Variants in TSPEAR observed in about 807,000 individuals in gnomAD.
TSPEAR encodes the protein thrombospondin type laminin G domain and EAR repeats.
In TSPEAR, 69 loss-of-function variants were observed where a neutral mutation model predicts 71.6. The observed-to-expected ratio is 0.96, with a 90% CI of 0.79 to 1.18. The LOEUF (loss-of-function observed/expected upper bound fraction) is 1.18. TSPEAR is among the 50% of genes most tolerant of loss of function. The pLI, the probability that TSPEAR is intolerant of heterozygous loss-of-function variation, is 0.00. For missense variants in TSPEAR, 971 were observed against 894.9 expected (o/e 1.09, Z -1.09); for synonymous variants, 402 against 387.2 (o/e 1.04, Z -0.45).
intron 1 of TSPEAR, among the ~76,000 whole-genome samples, chr21:44,628,740 G>A (rs28542851): frequency 0.62 from 94,364 of 151,750 alleles, 29,849 homozygotes; most frequent in Admixed American, 0.69. Flanking sequence ...GACGGGCGGT[G>A]GGGGGTGGGT....
chr21:44,558,291 C>G lies in TSPEAR; in HGVS notation c.303+9494G>C, dbSNP rs75399200. ...GGAGGTGGTGCAGCAAGCCGGCTGG[C>G]GGCTAGACTGCTGGCAGCATGAAGA... On this transcript the variant is annotated intron_variant, in intron 2 of 11. Transcript: ENST00000323084. 4.1e-4 allele frequency: 658 copies of G among 1,614,112 alleles called. 3 individuals carry two copies. The African/African-American group carries it at 7.9e-3, about 19-fold the overall frequency.
At chr21:44,548,543 G>A (rs1302181106) in intron 2 of TSPEAR, among the ~76,000 whole-genome samples, 3 of 152,202 alleles carry the variant, frequency 2.0e-5, no homozygotes, top group Non-Finnish European at 4.4e-5. Flanking sequence ...CCAGAGGGTG[G>A]GAGAACACGT....
chr21:44,533,335 G>A (rs782744584), intron 3 of TSPEAR, among the ~76,000 whole-genome samples: 35 of 152,174 alleles, frequency 2.3e-4, no homozygotes, highest in Non-Finnish European at 3.7e-4. Flanking sequence ...TGGCGCGGAC[G>A]CTGACCTGAC....
intron 2 of TSPEAR, among the ~76,000 whole-genome samples, chr21:44,560,771 T>C (rs1341073769): frequency 6.6e-6 from 1 of 152,154 alleles, no homozygotes; most frequent in Admixed American, 6.5e-5. Flanking sequence ...ATCAAGAAGT[T>C]ATTTGAAACC....
Position 44,498,722 on chromosome 21 carries a change from T to G in TSPEAR, c.*1061A>C, listed in dbSNP as rs1399099398. 1.3e-5 allele frequency: 2 copies of G among 152,422 alleles called. No individual in the cohort carries two copies. Among genetic ancestry groups the G allele is most frequent in the Non-Finnish European group, 2.9e-5 (2 of 68,076 alleles). The allele number at this position is 152,422 out of a possible 1,614,324, so 9.4% of individuals were successfully genotyped here. A position where few individuals can be genotyped will look rare whatever the true frequency, so the allele number is the denominator to read the frequency against. ...GGATCGCTCCTGTTCCGATTTGTGT[T>G]GCAGAAGCAGGAGCACCGTTCCTGG... On this transcript the variant is annotated 3_prime_UTR_variant, in exon 12 of 12. Coordinates refer to ENST00000323084, the MANE Select transcript of TSPEAR (RefSeq NM_144991.3).
intron 1 of TSPEAR, among the ~76,000 whole-genome samples, chr21:44,588,957 A>G (rs78378324): frequency 0.09 from 13,644 of 151,572 alleles, 722 homozygotes; most frequent in African/African-American, 0.13. Context: ...CTATGAGGAT[A>G]CAAAGGCATA....
In TSPEAR at chr21:44,562,015, C is replaced by T. The variant is rs587731929; in HGVS notation, c.303+5770G>A. 5.9e-5 allele frequency among the ~76,000 whole-genome samples: 9 copies of T among 152,104 alleles called. No homozygotes were observed. The East Asian group carries it at 7.7e-4, about 13-fold the overall frequency. ...GCAATAGAAAGAAATAAAGAGTATT[C>T]GAATAGAAAAAGAGGAAGCCAAATT... On this transcript the variant is annotated intron_variant, in intron 2 of 11. Coordinates refer to ENST00000323084, the MANE Select transcript of TSPEAR (RefSeq NM_144991.3).
At chr21:44,570,530 G>A (rs1333877247) in intron 1 of TSPEAR, among the ~76,000 whole-genome samples, 5 of 152,318 alleles carry the variant, frequency 3.3e-5, no homozygotes, top group African/African-American at 7.2e-5. Context: ...AGATAAGCTC[G>A]TTCACAGCCT....
At chr21:44,550,757 G>T (rs781873065) in intron 2 of TSPEAR, 2 of 1,614,216 alleles carry the variant, frequency 1.2e-6, no homozygotes, top group Non-Finnish European at 1.7e-6. Context: ...CGGGGCGGCA[G>T]AGGAGGGACA....
intron 1 of TSPEAR, chr21:44,627,965 C>G (rs1158516946): frequency 6.6e-7 from 1 of 1,519,880 alleles, no homozygotes; most frequent in East Asian, 2.4e-5. Flanking sequence ...TGCCGCCAGG[C>G]CTCCTGTGTG....
At chr21:44,669,070 G>A (rs1199952702) in intron 1 of TSPEAR, among the ~76,000 whole-genome samples, 1 of 152,126 alleles carries the variant, frequency 6.6e-6, no homozygotes, top group East Asian at 1.9e-4. Context: ...AAATGAAGGA[G>A]AGGAAGAAAA....
intron 1 of TSPEAR, among the ~76,000 whole-genome samples, chr21:44,598,278 C>T (rs187802831): frequency 2.5e-4 from 38 of 152,294 alleles, no homozygotes; most frequent in African/African-American, 7.9e-4. Flanking sequence ...AAATGTTTAG[C>T]CAATCGGGTC....
chr21:44,620,583 G>A (rs1982377115), intron 1 of TSPEAR, among the ~76,000 whole-genome samples: 1 of 152,176 alleles, frequency 6.6e-6, no homozygotes, highest in Non-Finnish European at 1.5e-5. Flanking sequence ...CTAGACAGAG[G>A]TTTGTCAAAT....
intron 1 of TSPEAR, among the ~76,000 whole-genome samples, chr21:44,607,932 C>A (rs900156930): frequency 1.4e-4 from 21 of 152,308 alleles, no homozygotes; most frequent in African/African-American, 5.1e-4. Flanking sequence ...TTTTGCCACA[C>A]AAGTCATGTG....
chr21:44,614,542 C>T (rs1380763694), intron 1 of TSPEAR, among the ~76,000 whole-genome samples: 2 of 152,372 alleles, frequency 1.3e-5, no homozygotes, highest in East Asian at 3.9e-4. Context: ...GTTCCAGGCT[C>T]GGTTCCTGGC....
chr21:44,527,555 C>T (rs781854818), intron 6 of TSPEAR, 37 bp from the exon 7 acceptor site: 21 of 1,604,032 alleles, frequency 1.3e-5, no homozygotes, highest in South Asian at 2.2e-5. Flanking sequence ...TTAAGATTTC[C>T]GAGAACGGAA....
chr21:44,504,451 T>TG (rs2052146563), intron 11 of TSPEAR, among the ~76,000 whole-genome samples: 4 of 111,620 alleles, frequency 3.6e-5, no homozygotes, highest in Non-Finnish European at 5.4e-5. Context: ...GAGCCCACAG[T>TG]GGGGAAGCAA....
At chr21:44,511,342 A>C (rs1555912660) in intron 9 of TSPEAR, among the ~76,000 whole-genome samples, 2 of 152,020 alleles carry the variant, frequency 1.3e-5, no homozygotes, top group Admixed American at 1.3e-4. Flanking sequence ...TACACACACA[A>C]ACATGCATAT....
intron 1 of TSPEAR, among the ~76,000 whole-genome samples, chr21:44,576,176 G>A (rs587647054): frequency 1.3e-4 from 20 of 152,356 alleles, no homozygotes; most frequent in Middle Eastern, 3.4e-3. Context: ...AGGGTGGCCC[G>A]GGAACTCAGC....
Sources: allele counts gnomAD v4.1 joint callset (sites outside exome capture counted in the v4.1 genomes callset), GRCh38; gene constraint gnomAD v4.1.1; transcripts MANE v1.5; gene names NCBI Gene and HGNC (gene_info 2026-07-23, HGNC 2026-07-21).